The following RAP1GAP2 variants were observed in gnomAD, a reference collection of about 807,000 sequenced individuals.
RAP1GAP2 encodes the protein rap1 GTPase-activating protein 2.
Under a neutral mutation model 95.0 loss-of-function variants are expected in RAP1GAP2, and 27 were observed. The observed-to-expected ratio is 0.28, with a 90% CI of 0.21 to 0.39. RAP1GAP2 has a LOEUF of 0.39. RAP1GAP2 is among the 10% of genes least tolerant of loss of function. The probability of loss-of-function intolerance (pLI) is 1.00; values close to 1 mark genes in which losing one functional copy is unlikely to be tolerated. For synonymous variants in RAP1GAP2, 373 were observed against 380.9 expected, an observed-to-expected ratio of 0.98 and a Z score of 0.24; for missense variants, 771 against 970.0, an observed-to-expected ratio of 0.79 and a Z score of 2.72.
chr17:3,018,238 G>A, intron 18 of RAP1GAP2, 40 bp downstream of exon 18: 1 of 1,531,088 alleles, frequency 6.5e-7, no homozygotes, highest in Admixed American at 2.2e-5. Flanking sequence ...GTGGGTCCCA[G>A]GGAGGCCCCC....
chr17:2,773,899 AG>A (rs1250359319), upstream of RAP1GAP2, among the ~76,000 whole-genome samples: 1 of 152,008 alleles, frequency 6.6e-6, no homozygotes, highest in African/African-American at 2.4e-5. Flanking sequence ...CTGGGATTAC[AG>A]GTGCCCGCCA....
At chr17:2,968,690 C>T (rs895066559) in intron 8 of RAP1GAP2, among the ~76,000 whole-genome samples, 3 of 152,038 alleles carry the variant, frequency 2.0e-5, no homozygotes, top group African/African-American at 7.2e-5. Context: ...AGTGTGCGTA[C>T]ATATGTGATG....
At chr17:2,790,557 A>G (rs188971493) in intron 1 of RAP1GAP2, among the ~76,000 whole-genome samples, 154 of 152,308 alleles carry the variant, frequency 1.0e-3, no homozygotes, top group African/African-American at 3.5e-3. Context: ...ATCTGGGATG[A>G]GAGCTGAGCT....
At chr17:3,019,865 T>G (rs2046897560) in intron 18 of RAP1GAP2, among the ~76,000 whole-genome samples, 1 of 152,172 alleles carries the variant, frequency 6.6e-6, no homozygotes, top group African/African-American at 2.4e-5. Context: ...CCATCTGCCC[T>G]CCTCAAACCC....
At position 2,827,316 on chromosome 17, in the gene RAP1GAP2, T is replaced by C. The variant is rs1039748221; in HGVS notation, c.80+26766T>C. ...GTTCTGAGTGTGAGTCCTACAAAAG[T>C]GGACAATTCAGACCCTGTTGGGTTT... On this transcript the variant is annotated intron_variant, in intron 2 of 24. Coordinates refer to ENST00000254695, the MANE Select transcript of RAP1GAP2 (RefSeq NM_015085.5). This position sits in a 1 kb window ranked among gnomAD's most constrained non-coding sequence, Gnocchi z 4.1. 2.0e-5 allele frequency among the ~76,000 whole-genome samples: 3 copies of C among 152,124 alleles called. No individual in the cohort carries two copies. Among genetic ancestry groups the C allele is most frequent in the Non-Finnish European group, 4.4e-5 (3 of 68,032 alleles).
At chr17:2,762,055 C>G (rs928746624) in intron 1 of RAP1GAP2, among the ~76,000 whole-genome samples, 1 of 119,792 alleles carries the variant, frequency 8.3e-6, no homozygotes, top group Non-Finnish European at 1.6e-5. Context: ...GTGGTGCAAT[C>G]TTGGCTTACT....
At chr17:2,838,500 G>T (rs540085776) in intron 2 of RAP1GAP2, among the ~76,000 whole-genome samples, 1 of 152,128 alleles carries the variant, frequency 6.6e-6, no homozygotes, top group Non-Finnish European at 1.5e-5. Flanking sequence ...ATGGTGACCT[G>T]TACTGGGATG....
At chr17:2,803,604 C>T (rs116148743) in intron 2 of RAP1GAP2, among the ~76,000 whole-genome samples, 3,244 of 152,302 alleles carry the variant, frequency 0.021, 117 homozygotes, top group African/African-American at 0.073. Context: ...CGCGGCCAGG[C>T]GCGATGGCTC....
At chr17:2,882,627 G>A (rs1021676320) in intron 2 of RAP1GAP2, among the ~76,000 whole-genome samples, 6 of 152,162 alleles carry the variant, frequency 3.9e-5, no homozygotes, top group East Asian at 1.9e-4. Context: ...GTTTCGCCAC[G>A]TTGGCCAGGA....
rs1160454092 is a variant in RAP1GAP2 at position 2,846,479 on chromosome 17, C to T, written c.80+45929C>T. On this transcript the variant is annotated intron_variant, in intron 2 of 24. Transcript: ENST00000254695. ...AGGCTGGACTGCAGTGGTGCAATCT[C>T]GGCTCACTGCAACCTCCGCCTCCCA... is the stretch of plus-strand genomic sequence containing the variant. Among the ~76,000 whole-genome samples the T allele has an allele frequency of 9.9e-5, 15 of 152,182 alleles. No homozygotes were observed. The South Asian group carries it at 1.7e-3, about 17-fold the overall frequency.
chr17:2,875,481 G>A (rs2073055466), intron 2 of RAP1GAP2, among the ~76,000 whole-genome samples: 1 of 152,140 alleles, frequency 6.6e-6, no homozygotes, highest in Non-Finnish European at 1.5e-5. Context: ...GAGCTCTAGG[G>A]TCTGAGTGAT....
rs1032901685 is a variant in RAP1GAP2, at chr17:3,027,600, C to T, written c.2107+530C>T. Among the ~76,000 whole-genome samples the T allele has an allele frequency of 6.6e-6, 1 of 150,460 alleles. No homozygotes were observed. The highest frequency in any genetic ancestry group is 1.5e-5 in the Non-Finnish European group (1 of 67,156). On this transcript the variant is annotated intron_variant, in intron 22 of 24. Transcript: ENST00000254695. The surrounding 1 kb of genome is among the most constrained non-coding windows in gnomAD (Gnocchi z 5.2). ...GAGCCAGGCGTCAGAGAGGCCGGAG[C>T]GTTGACAGGCTGGGTCAGCCCCGGG...
At chr17:3,002,425 C>G (rs546114879) in intron 14 of RAP1GAP2, among the ~76,000 whole-genome samples, 1 of 152,266 alleles carries the variant, frequency 6.6e-6, no homozygotes, top group East Asian at 1.9e-4. Context: ...GTGAATGAGG[C>G]CAGGGAGGGG....
At chr17:2,913,785 G>T (rs2042471284) in intron 3 of RAP1GAP2, among the ~76,000 whole-genome samples, 1 of 152,198 alleles carries the variant, frequency 6.6e-6, no homozygotes, top group South Asian at 2.1e-4. Context: ...AGTTCCCATT[G>T]TCCTGACCCA....
intron 14 of RAP1GAP2, among the ~76,000 whole-genome samples, chr17:2,999,181 C>A (rs997199790): frequency 4.6e-5 from 7 of 152,202 alleles, no homozygotes; most frequent in Non-Finnish European, 1.0e-4. Flanking sequence ...CTGCAGTCCC[C>A]CGCTCCCCAC....
At chr17:2,901,481 C>A (rs906456631) in intron 2 of RAP1GAP2, among the ~76,000 whole-genome samples, 1 of 152,052 alleles carries the variant, frequency 6.6e-6, no homozygotes, top group Non-Finnish European at 1.5e-5. Flanking sequence ...GAGTTGCATG[C>A]GAGTATGGGG....
chr17:2,974,348 CAA>C (rs72111109), intron 8 of RAP1GAP2, among the ~76,000 whole-genome samples: 4 of 131,690 alleles, frequency 3.0e-5, no homozygotes, highest in Admixed American at 7.9e-5. Context: ...GATTCCATCT[CAA>C]AAAAAAAAAA....
intron 2 of RAP1GAP2, among the ~76,000 whole-genome samples, chr17:2,889,886 T>TATATAC (rs2073639176): frequency 1.7e-5 from 1 of 59,366 alleles, no homozygotes; most frequent in Non-Finnish European, 3.5e-5. Context: ...TATATATATA[T>TATATAC]ATATTTTTTT....
chr17:2,963,307 C>A lies in RAP1GAP2; in HGVS notation c.247-123C>A. On this transcript the variant is annotated intron_variant, in intron 5 of 24. Transcript: ENST00000254695. This position sits in a 1 kb window ranked among gnomAD's most constrained non-coding sequence, Gnocchi z 4.8. Reference sequence around the variant, plus strand: ...CAGAGCTGATTCTGAGCTGTTCTTCCATCGAATGTTCCTCCCTCAAAGCCC... The same window carrying A: ...CAGAGCTGATTCTGAGCTGTTCTTCAATCGAATGTTCCTCCCTCAAAGCCC... 9.2e-7 allele frequency: 1 copy of A among 1,088,026 alleles called. No individual in the cohort carries two copies. The highest frequency in any genetic ancestry group is 1.4e-6 in the Non-Finnish European group (1 of 708,082). The allele number at this position is 1,088,026 out of a possible 1,614,324, so 67.4% of individuals were successfully genotyped here.
Sources: gnomAD v4.1 joint callset for allele counts (sites outside exome capture counted in the v4.1 genomes callset) on GRCh38, gnomAD v4.1.1 for gene constraint, Gnocchi (gnomAD v3.1) non-coding constraint, MANE v1.5 for transcripts, NCBI Gene and HGNC (gene_info 2026-07-23, HGNC 2026-07-21) for gene names.